Variants in RPL38 observed in about 807,000 individuals in gnomAD.
RPL38 encodes the protein large ribosomal subunit protein eL38.
RPL38 carries 2 observed loss-of-function variants against 12.8 expected under a neutral mutation model. The observed-to-expected ratio is 0.16, with a 90% confidence interval of 0.06 to 0.49. The LOEUF is 0.49. Among genes scored for constraint, RPL38 ranks in the 20% least tolerant of loss-of-function variants. RPL38 has a pLI of 0.96. For synonymous variants in RPL38, 42 were observed against 30.1 expected, an observed-to-expected ratio of 1.39 and a Z score of -1.29; for missense variants, 52 against 79.8, an observed-to-expected ratio of 0.65 and a Z score of 1.33.
In RPL38 at chr17:74,209,989, T is replaced by TC. The variant is rs1393074034; in HGVS notation, c.*160_*161insC. 2 of 585,776 alleles carry TC rather than the reference T, an allele frequency of 3.4e-6. No individual in the cohort carries two copies. The highest frequency in any genetic ancestry group is 3.9e-5 in the African/African-American group (2 of 51,512). The allele number at this position is 585,776 out of a possible 1,614,324, so 36.3% of individuals were successfully genotyped here. ...CTGCCTTCCTGTGTCTTTTTTTTTT[T>TC]TTTTTTTTCTTTCTTTGAGACGGAG... On this transcript the variant is annotated 3_prime_UTR_variant, in exon 5 of 5. Transcript: ENST00000311111.
At chr17:74,204,250 G>A (rs2050089658) in intron 3 of RPL38, 60 bp downstream of exon 3, 4 of 1,496,976 alleles carry the variant, frequency 2.7e-6, no homozygotes, top group Non-Finnish European at 3.7e-6. Context: ...CGCTCCGGGA[G>A]CGTCTTCCCC....
chr17:74,203,688 C>T lies in RPL38; in HGVS notation c.-96C>T, dbSNP rs749059623. 6.8e-4 allele frequency: 345 copies of T among 507,362 alleles called. 1 individual carries two copies. Among genetic ancestry groups the T allele is most frequent in the Non-Finnish European group, 9.8e-4 (282 of 287,304 alleles). 31.4% of individuals were successfully genotyped at this position (507,362 alleles called of 1,614,324 possible). ...AACGGAAGTCTCGTTCTTTTTCGTC[C>T]TTTTCCCCGGTTGCTGCTTGCTGTG... On this transcript the variant is annotated 5_prime_UTR_variant, in exon 1 of 5. Transcript: ENST00000311111.
chr17:74,209,796 C>T lies in RPL38; in HGVS notation c.188-8C>T, dbSNP rs772488420. 2.5e-6 allele frequency: 4 copies of T among 1,612,418 alleles called. No homozygotes were observed. The highest frequency in any genetic ancestry group is 3.4e-6 in the Non-Finnish European group (4 of 1,178,534). ...CTGGATGGCTTACTTTTGTCTCTTT[C>T]CCTCTAGGTTTGGCAGTGAAGGAAC... On this transcript the variant is annotated splice_polypyrimidine_tract_variant and splice_region_variant and intron_variant, in intron 4 of 4. Coordinates refer to ENST00000311111, the MANE Select transcript of RPL38 (RefSeq NM_000999.4).
Position 74,203,678 on chromosome 17 carries a change from C to T in RPL38, c.-106C>T, listed in dbSNP as rs538086588. ...ACTGCCCGGAAACGGAAGTCTCGTT[C>T]TTTTTCGTCCTTTTCCCCGGTTGCT... is the stretch of plus-strand genomic sequence containing the variant. On this transcript the variant is annotated 5_prime_UTR_variant, in exon 1 of 5. Transcript: ENST00000311111. The T allele has an allele frequency of 5.9e-6, 3 of 508,118 alleles. No individual in the cohort carries two copies. The highest frequency in any genetic ancestry group is 3.1e-5 in the East Asian group (1 of 32,534). 31.5% of individuals were successfully genotyped at this position (508,118 alleles called of 1,614,324 possible). A position where few individuals can be genotyped will look rare whatever the true frequency, so the allele number is the denominator to read the frequency against.
At chr17:74,207,828 C>T (rs549028308) in intron 3 of RPL38, among the ~76,000 whole-genome samples, 1 of 152,268 alleles carries the variant, frequency 6.6e-6, no homozygotes, top group Admixed American at 6.5e-5. Context: ...TGAAGAGCTC[C>T]ATATGTCTTT....
intron 1 of RPL38, 64 bp from the exon 2 acceptor site, chr17:74,203,854 G>A (rs2050083326): frequency 2.1e-6 from 3 of 1,396,940 alleles, no homozygotes; most frequent in Admixed American, 4.9e-5. Context: ...TCGGGGGAGA[G>A]CGGGAAAACG....
At position 74,204,018 on chromosome 17, in the gene RPL38, G is replaced by A. The variant is rs114519723; in HGVS notation, c.3+60G>A. 1.3e-3 allele frequency: 2,099 copies of A among 1,612,926 alleles called. 20 individuals carry two copies. In the African/African-American group the frequency reaches 0.024, roughly 18 times the overall value. On this transcript the variant is annotated intron_variant, in intron 2 of 4. Transcript: ENST00000311111. Reference sequence around the variant, plus strand: ...TGGGCTCGTGGGGCCCCGGGGCGAGGGCGAGAGAGCCTCCCAAGGATCTCC... The same window carrying A: ...TGGGCTCGTGGGGCCCCGGGGCGAGAGCGAGAGAGCCTCCCAAGGATCTCC...
intron 3 of RPL38, among the ~76,000 whole-genome samples, chr17:74,206,472 C>T (rs1183086601): frequency 5.3e-5 from 8 of 152,104 alleles, no homozygotes; most frequent in Admixed American, 4.6e-4. Flanking sequence ...TGAGCAGCTG[C>T]CACCATCACC....
intron 3 of RPL38, chr17:74,205,076 C>G (rs184446942): frequency 6.6e-6 from 1 of 152,332 alleles, no homozygotes; most frequent in African/African-American, 2.4e-5. Context: ...TGTCATAGGT[C>G]TGTTTCCCAG....
chr17:74,210,343 C>T lies in RPL38; in HGVS notation c.*514C>T, dbSNP rs140551926. 809 of 153,898 alleles carry T rather than the reference C, an allele frequency of 5.3e-3. 4 individuals are homozygous for T. Among genetic ancestry groups the T allele is most frequent in the Non-Finnish European group, 5.4e-3 (373 of 69,136 alleles). The allele number at this position is 153,898 out of a possible 1,614,324, so 9.5% of individuals were successfully genotyped here. On this transcript the variant is annotated 3_prime_UTR_variant, in exon 5 of 5. Transcript: ENST00000311111. ...TGGGGAGGCCATGATGGAAATAGCA[C>T]GTGGGGTTAAACATAACTGGCAGAT...
rs2050146212 is a variant in RPL38, at chr17:74,209,602, A to C, written c.188-202A>C. 5 of 629,280 alleles carry C rather than the reference A, an allele frequency of 7.9e-6. No individual in the cohort carries two copies. In the East Asian group the frequency reaches 1.4e-4, roughly 17 times the overall value. The allele number at this position is 629,280 out of a possible 1,614,324, so 39.0% of individuals were successfully genotyped here. A position where few individuals can be genotyped will look rare whatever the true frequency, so the allele number is the denominator to read the frequency against. ...CCCATTTTTTACAGGGGAACAGATG[A>C]AATATAATAGACCAAGTCTTTTTAT... is the stretch of plus-strand genomic sequence containing the variant. On this transcript the variant is annotated intron_variant, in intron 4 of 4. Transcript: ENST00000311111.
At chr17:74,206,314 G>C (rs1598205469) in intron 3 of RPL38, 1 of 152,096 alleles carries the variant, frequency 6.6e-6, no homozygotes, top group Non-Finnish European at 1.5e-5. Context: ...GCGTGTGCTG[G>C]TGGTCCTAGC....
intron 3 of RPL38, among the ~76,000 whole-genome samples, chr17:74,208,552 G>A (rs2050135939): frequency 6.6e-6 from 1 of 152,208 alleles, no homozygotes; most frequent in African/African-American, 2.4e-5. Context: ...CACATGCGGA[G>A]GCCTGATTTC....
intron 4 of RPL38, 181 bp downstream of exon 4, chr17:74,209,490 A>G (rs937427392): frequency 6.9e-6 from 5 of 722,850 alleles, no homozygotes; most frequent in Non-Finnish European, 1.1e-5. Context: ...ATACAGTACC[A>G]GAAATCATTT....
intron 3 of RPL38, among the ~76,000 whole-genome samples, chr17:74,206,576 A>G (rs139060349): frequency 1.3e-5 from 2 of 151,988 alleles, no homozygotes; most frequent in Non-Finnish European, 2.9e-5. Context: ...CCACCTTCCA[A>G]TTTGTCCCTG....
intron 4 of RPL38, 131 bp downstream of exon 4, chr17:74,209,440 C>T (rs1170056036): frequency 9.8e-7 from 1 of 1,021,202 alleles, no homozygotes; most frequent in Non-Finnish European, 1.4e-6. Flanking sequence ...TCTGCTCTTG[C>T]TGTTGGGAGT....
chr17:74,206,119 A>G (rs919793198), intron 3 of RPL38: 3 of 152,154 alleles, frequency 2.0e-5, no homozygotes, highest in Non-Finnish European at 2.9e-5. Context: ...TTGTTGAAAA[A>G]ACTTTTTAAA....
chr17:74,206,918 G>A (rs796271401), intron 3 of RPL38, among the ~76,000 whole-genome samples: 13 of 150,726 alleles, frequency 8.6e-5, no homozygotes, highest in African/African-American at 2.2e-4. Context: ...GGGTTTCACC[G>A]AGTGAGCCAG....
chr17:74,203,815 G>T, intron 1 of RPL38, 70 bp downstream of exon 1: 4 of 1,079,092 alleles, frequency 3.7e-6, no homozygotes, highest in Admixed American at 2.7e-5. Context: ...TGTCGGGGAG[G>T]AGAAGGGGAG....
Sources: allele counts gnomAD v4.1 joint callset (sites outside exome capture counted in the v4.1 genomes callset), GRCh38; gene constraint gnomAD v4.1.1; transcripts MANE v1.5; gene names NCBI Gene and HGNC (gene_info 2026-07-23, HGNC 2026-07-21).